Variants in TFDP2 observed in about 807,000 individuals in gnomAD.
The protein encoded by TFDP2 is transcription factor Dp-2, also known as transcription factor Dp-2 (E2F dimerization partner 2).
A neutral mutation model predicts 59.3 loss-of-function variants in TFDP2; 17 were observed. The ratio of observed to expected loss-of-function variants is 0.29; its 90% confidence interval spans 0.20 to 0.43. The LOEUF is 0.43. Among genes scored for constraint, TFDP2 ranks in the 20% least tolerant of loss-of-function variants. TFDP2 has a pLI of 1.00. For synonymous variants in TFDP2, 180 were observed against 194.7 expected (o/e 0.92, Z 0.63); for missense variants, 391 against 528.8 (o/e 0.74, Z 2.56).
At chr3:142,110,176 G>T (rs758550726) in intron 1 of TFDP2, among the ~76,000 whole-genome samples, 2 of 151,744 alleles carry the variant, frequency 1.3e-5, no homozygotes, top group Non-Finnish European at 2.9e-5. Context: ...GAGCCACCAC[G>T]CCCAGTCCAT....
intron 3 of TFDP2, among the ~76,000 whole-genome samples, chr3:142,060,982 G>C (rs2059899613): frequency 6.6e-6 from 1 of 152,138 alleles, no homozygotes; most frequent in Admixed American, 6.5e-5. Context: ...AATTTTTATA[G>C]CTGAAGCCAA....
chr3:142,076,138 G>C (rs2060446314), intron 3 of TFDP2, among the ~76,000 whole-genome samples: 1 of 151,100 alleles, frequency 6.6e-6, no homozygotes, highest in Non-Finnish European at 1.5e-5. Flanking sequence ...TTGAACCCAG[G>C]AGGCAGAGGT....
At chr3:142,127,623 A>G (rs1019166662) in intron 1 of TFDP2, among the ~76,000 whole-genome samples, 10 of 152,074 alleles carry the variant, frequency 6.6e-5, no homozygotes, top group African/African-American at 2.4e-4. Context: ...GAAGTGAGCC[A>G]CTGTACCCGG....
chr3:142,122,574 G>A (rs564729316), intron 1 of TFDP2, among the ~76,000 whole-genome samples: 17 of 152,278 alleles, frequency 1.1e-4, no homozygotes, highest in African/African-American at 3.9e-4. Context: ...TTGAACCAAT[G>A]ATATTGCAAA....
chr3:141,955,204 A>G (rs1936449847), intron 11 of TFDP2, among the ~76,000 whole-genome samples: 1 of 152,084 alleles, frequency 6.6e-6, no homozygotes, highest in Non-Finnish European at 1.5e-5. Context: ...TTTCTTTCCT[A>G]TTATCACAGG....
intron 3 of TFDP2, among the ~76,000 whole-genome samples, chr3:142,065,563 G>A (rs1033712893): frequency 6.6e-6 from 1 of 151,884 alleles, no homozygotes; most frequent in Non-Finnish European, 1.5e-5. Flanking sequence ...CTAGGCTGGA[G>A]CAGGGTGGCG....
chr3:142,095,355 C>T (rs1407909337), intron 2 of TFDP2, among the ~76,000 whole-genome samples: 4 of 152,194 alleles, frequency 2.6e-5, no homozygotes, highest in African/African-American at 2.4e-5. Flanking sequence ...CTAATTATTT[C>T]ATTATTTGAT....
chr3:142,073,472 C>CCCCCCAA (rs1553796689), intron 3 of TFDP2, among the ~76,000 whole-genome samples: 1 of 52,502 alleles, frequency 1.9e-5, no homozygotes, highest in Non-Finnish European at 3.6e-5. Context: ...CCCCCCCCCG[C>CCCCCCAA]AAAAAAAAAA....
intron 1 of TFDP2, among the ~76,000 whole-genome samples, chr3:142,115,315 C>CTTTTT (rs906368574): frequency 5.3e-5 from 7 of 130,964 alleles, no homozygotes; most frequent in African/African-American, 8.5e-5. Context: ...CACGCATTTT[C>CTTTTT]TTTTTTTTTT....
intron 9 of TFDP2, among the ~76,000 whole-genome samples, chr3:141,967,652 G>T (rs537571827): frequency 2.4e-4 from 37 of 152,124 alleles, no homozygotes; most frequent in African/African-American, 8.7e-4. Context: ...TTATACTTTG[G>T]GTTTCACTTT....
chr3:142,149,429 G>C lies in TFDP2; in HGVS notation c.-339C>G. 2.6e-6 allele frequency: 1 copy of C among 382,098 alleles called. No individual in the cohort carries two copies. The highest frequency in any genetic ancestry group is 4.6e-6 in the Non-Finnish European group (1 of 215,780). 23.7% of individuals were successfully genotyped at this position (382,098 alleles called of 1,614,324 possible). A position where few individuals can be genotyped will look rare whatever the true frequency, so the allele number is the denominator to read the frequency against. ...GGGTCAGGGCGCGCCCCGCGGGCCG[G>C]GCAGCTGCGGCAGCGCCGCAGCCGA... On this transcript the variant is annotated 5_prime_UTR_variant, in exon 1 of 13. Transcript: ENST00000489671.
chr3:142,148,657 T>C (rs1316905804), intron 1 of TFDP2, among the ~76,000 whole-genome samples: 1 of 152,212 alleles, frequency 6.6e-6, no homozygotes, highest in Non-Finnish European at 1.5e-5. Flanking sequence ...CACTTCTTTG[T>C]GAAGACAGAC....
intron 3 of TFDP2, among the ~76,000 whole-genome samples, chr3:142,049,080 A>T (rs945728622): frequency 2.6e-5 from 4 of 152,234 alleles, no homozygotes; most frequent in African/African-American, 9.6e-5. Context: ...TCATCCTCTG[A>T]AAATAGTGAG....
chr3:142,107,116 C>T (rs760326482), intron 1 of TFDP2, among the ~76,000 whole-genome samples: 1 of 152,182 alleles, frequency 6.6e-6, no homozygotes, highest in Non-Finnish European at 1.5e-5. Flanking sequence ...CAGCCATAAT[C>T]CTACTTGTCA....
intron 3 of TFDP2, among the ~76,000 whole-genome samples, chr3:142,022,781 T>C (rs1055638140): frequency 2.0e-5 from 3 of 152,170 alleles, no homozygotes; most frequent in African/African-American, 4.8e-5. Context: ...ATTTTTCTAA[T>C]ATTTATAAGA....
At chr3:141,969,889 CAA>C (rs1939449485) in intron 9 of TFDP2, among the ~76,000 whole-genome samples, 182 bp downstream of exon 9, 1 of 152,156 alleles carries the variant, frequency 6.6e-6, no homozygotes, top group African/African-American at 2.4e-5. Context: ...GAGATGATGG[CAA>C]CAGATGGGAC....
chr3:142,067,603 T>C (rs553908473), intron 3 of TFDP2, among the ~76,000 whole-genome samples: 71 of 152,272 alleles, frequency 4.7e-4, no homozygotes, highest in African/African-American at 1.6e-3. Context: ...AGTTACTTTG[T>C]AGTTATCAAA....
intron 3 of TFDP2, among the ~76,000 whole-genome samples, chr3:142,071,308 C>T (rs1362237263): frequency 6.6e-6 from 1 of 152,068 alleles, no homozygotes; most frequent in African/African-American, 2.4e-5. Context: ...AGGCGCACAC[C>T]ACCGCACCGG....
intron 4 of TFDP2, among the ~76,000 whole-genome samples, chr3:142,001,663 T>C (rs1259741897): frequency 6.6e-5 from 10 of 152,214 alleles, no homozygotes; most frequent in African/African-American, 2.4e-4. Flanking sequence ...TCACTTCTGA[T>C]GATAAATTAT....
Sources: gnomAD v4.1 joint callset for allele counts (sites outside exome capture counted in the v4.1 genomes callset) on GRCh38, gnomAD v4.1.1 for gene constraint, MANE v1.5 for transcripts, NCBI Gene and HGNC (gene_info 2026-07-23, HGNC 2026-07-21) for gene names.